Variants in PRKCB observed in about 807,000 individuals in gnomAD.
PRKCB encodes protein kinase C beta type.
Under a neutral mutation model 81.5 loss-of-function variants are expected in PRKCB, and 13 were observed. That is an observed-to-expected ratio of 0.16 (90% CI 0.10 to 0.25). PRKCB has a LOEUF of 0.25. Ranked by LOEUF, PRKCB falls within the 10% of genes least tolerant of loss-of-function variation. PRKCB has a pLI of 1.00. For missense variants in PRKCB, 509 were observed against 875.7 expected, an observed-to-expected ratio of 0.58 and a Z score of 5.29; for synonymous variants, 335 against 321.4, an observed-to-expected ratio of 1.04 and a Z score of -0.45.
chr16:23,842,489 A>G (rs1387279308), intron 2 of PRKCB, among the ~76,000 whole-genome samples: 1 of 152,096 alleles, frequency 6.6e-6, no homozygotes, highest in Non-Finnish European at 1.5e-5. Context: ...TCTTGGGTAT[A>G]TTTCTTCCTG....
intron 5 of PRKCB, among the ~76,000 whole-genome samples, chr16:24,056,537 G>A (rs1385251710): frequency 6.6e-6 from 1 of 152,218 alleles, no homozygotes; most frequent in Non-Finnish European, 1.5e-5. Context: ...TGTTGGAGGT[G>A]AGGCCTCGTG....
intron 2 of PRKCB, among the ~76,000 whole-genome samples, chr16:23,934,239 C>G (rs1380376336): frequency 2.0e-5 from 3 of 151,414 alleles, no homozygotes; most frequent in Non-Finnish European, 4.4e-5. Flanking sequence ...TGCCTGGCCT[C>G]TCTCTAGGGA....
At chr16:24,068,491 A>AC (rs1273388543) in intron 5 of PRKCB, among the ~76,000 whole-genome samples, 26 of 149,720 alleles carry the variant, frequency 1.7e-4, no homozygotes, top group African/African-American at 6.0e-4. Context: ...AAAAAAAAAA[A>AC]ACCACACACA....
At chr16:24,044,434 C>T (rs142519033) in intron 5 of PRKCB, among the ~76,000 whole-genome samples, 3 of 152,298 alleles carry the variant, frequency 2.0e-5, no homozygotes, top group Non-Finnish European at 4.4e-5. Context: ...ACTGGTTACA[C>T]AGGTGAATTT....
In PRKCB at chr16:23,961,415, C is replaced by G. The variant is rs77746014; in HGVS notation, c.206-27093C>G. 1.8e-3 allele frequency among the ~76,000 whole-genome samples: 272 copies of G among 152,366 alleles called. 1 individual carries two copies. Among genetic ancestry groups the G allele is most frequent in the African/African-American group, 5.9e-3 (246 of 41,594 alleles). ...ATCTGATTCTCTCTCCATCATGATT[C>G]AGCTTTCCTCTGTATTGCTTGATTC... On this transcript the variant is annotated intron_variant, in intron 2 of 16. Coordinates refer to ENST00000643927, the MANE Select transcript of PRKCB (RefSeq NM_002738.7).
intron 2 of PRKCB, among the ~76,000 whole-genome samples, chr16:23,868,579 T>G (rs1230700166): frequency 1.3e-5 from 2 of 152,246 alleles, no homozygotes; most frequent in Non-Finnish European, 2.9e-5. Context: ...CTCAAGGTGA[T>G]GTAACAAGTA....
intron 5 of PRKCB, among the ~76,000 whole-genome samples, chr16:24,081,158 A>T (rs1966244451): frequency 6.6e-6 from 1 of 152,190 alleles, no homozygotes; most frequent in African/African-American, 2.4e-5. Context: ...ACATAAATAT[A>T]AAAATCTTCA....
At chr16:24,061,418 T>C (rs1342483722) in intron 5 of PRKCB, among the ~76,000 whole-genome samples, 3 of 152,126 alleles carry the variant, frequency 2.0e-5, no homozygotes, top group Admixed American at 2.0e-4. Context: ...AGTGCCCTGA[T>C]ATATACAGTT....
chr16:23,867,303 G>A (rs778647027), intron 2 of PRKCB, among the ~76,000 whole-genome samples: 1 of 151,952 alleles, frequency 6.6e-6, no homozygotes, highest in Non-Finnish European at 1.5e-5. Flanking sequence ...TGTATTTTTA[G>A]TAGAGACGGG....
chr16:24,096,672 T>A (rs1180653943), intron 7 of PRKCB, among the ~76,000 whole-genome samples: 1,235 of 14,818 alleles, frequency 0.083, 8 homozygotes, highest in African/African-American at 0.14. Context: ...AAAAAATATA[T>A]ATATATATAT....
At chr16:23,882,022 C>CT (rs1567301134) in intron 2 of PRKCB, among the ~76,000 whole-genome samples, 1,732 of 56,948 alleles carry the variant, frequency 0.03, 91 homozygotes, top group Middle Eastern at 0.04. Context: ...TTCTTTCTTT[C>CT]TTCCTTCCTT....
chr16:23,937,448 A>G (rs1405458793), intron 2 of PRKCB, among the ~76,000 whole-genome samples: 3 of 152,224 alleles, frequency 2.0e-5, no homozygotes, highest in Admixed American at 2.0e-4. Context: ...ATCGGGTTGA[A>G]AATAACATTT....
chr16:23,937,766 A>G (rs1964082637), intron 2 of PRKCB, among the ~76,000 whole-genome samples: 1 of 152,218 alleles, frequency 6.6e-6, no homozygotes, highest in Admixed American at 6.5e-5. Context: ...TAAGTTTTTG[A>G]AATGACCACA....
At chr16:23,985,460 CA>C (rs1352275654) in intron 2 of PRKCB, among the ~76,000 whole-genome samples, 2 of 151,926 alleles carry the variant, frequency 1.3e-5, no homozygotes, top group Non-Finnish European at 2.9e-5. Context: ...GTCAAATTTA[CA>C]ATAGCATAAA....
At chr16:23,968,499 C>T (rs1964516444) in intron 2 of PRKCB, among the ~76,000 whole-genome samples, 1 of 152,074 alleles carries the variant, frequency 6.6e-6, no homozygotes, top group Admixed American at 6.6e-5. Context: ...AGGGATGAAC[C>T]GCTTCCCAAA....
intron 2 of PRKCB, among the ~76,000 whole-genome samples, chr16:23,979,478 G>A (rs905421449): frequency 2.6e-5 from 4 of 152,166 alleles, no homozygotes; most frequent in African/African-American, 9.7e-5. Context: ...AGATATCAAG[G>A]CAACTGCAAT....
At chr16:24,210,217 T>C (rs1239196219) in intron 16 of PRKCB, among the ~76,000 whole-genome samples, 1 of 152,244 alleles carries the variant, frequency 6.6e-6, no homozygotes, top group South Asian at 2.1e-4. Flanking sequence ...AAATCCACTG[T>C]CCTTACATGG....
chr16:23,923,140 T>C (rs1421335131), intron 2 of PRKCB, among the ~76,000 whole-genome samples: 1 of 152,094 alleles, frequency 6.6e-6, no homozygotes, highest in Non-Finnish European at 1.5e-5. Flanking sequence ...TTATGACAGG[T>C]GACAGAAAAT....
At chr16:23,958,261 G>A (rs1208764312) in intron 2 of PRKCB, among the ~76,000 whole-genome samples, 3 of 152,032 alleles carry the variant, frequency 2.0e-5, no homozygotes, top group South Asian at 4.1e-4. Flanking sequence ...CAAAGTACTG[G>A]GATTACAAGT....
Sources: allele counts gnomAD v4.1 joint callset (sites outside exome capture counted in the v4.1 genomes callset), GRCh38; gene constraint gnomAD v4.1.1; transcripts MANE v1.5; gene names NCBI Gene and HGNC (gene_info 2026-07-23, HGNC 2026-07-21).